KIF6: variants seen among roughly 807,000 people sequenced by gnomAD.
The protein encoded by KIF6 is kinesin family member 6, also known as kinesin-like protein KIF6.
A neutral mutation model predicts 112.7 loss-of-function variants in KIF6; 106 were observed. The observed-to-expected ratio is 0.94, with a 90% confidence interval of 0.80 to 1.11. KIF6 has a LOEUF of 1.11. KIF6 is among the 50% of genes least tolerant of loss of function. KIF6 has a pLI of 0.00. For missense variants in KIF6, 929 were observed against 964.0 expected, an observed-to-expected ratio of 0.96 and a Z score of 0.48; for synonymous variants, 339 against 339.9, an observed-to-expected ratio of 1.00 and a Z score of 0.03.
intron 13 of KIF6, among the ~76,000 whole-genome samples, chr6:39,454,583 G>A (rs560996880): frequency 6.6e-6 from 1 of 151,260 alleles, no homozygotes; most frequent in African/African-American, 2.4e-5. Flanking sequence ...GAAGACGGGT[G>A]ATTTCTGCAT....
chr6:39,552,671 G>A (rs756353561), intron 10 of KIF6, among the ~76,000 whole-genome samples: 1 of 152,016 alleles, frequency 6.6e-6, no homozygotes, highest in Non-Finnish European at 1.5e-5. Flanking sequence ...TTTTAACCAG[G>A]AAAGATGCAA....
chr6:39,558,144 A>G (rs1779822243), intron 10 of KIF6, among the ~76,000 whole-genome samples: 1 of 152,152 alleles, frequency 6.6e-6, no homozygotes, highest in South Asian at 2.1e-4. Flanking sequence ...TATAGGAGAG[A>G]GATATACCAT....
intron 7 of KIF6, among the ~76,000 whole-genome samples, chr6:39,588,935 A>G (rs1432542782): frequency 1.3e-5 from 2 of 152,146 alleles, no homozygotes; most frequent in African/African-American, 4.8e-5. Context: ...CCCTTCCACG[A>G]TCTGTTCTCC....
intron 13 of KIF6, among the ~76,000 whole-genome samples, chr6:39,498,652 T>C (rs1324899362): frequency 2.6e-5 from 4 of 152,194 alleles, no homozygotes; most frequent in Non-Finnish European, 5.9e-5. Flanking sequence ...AATAAAACTT[T>C]ATGTATAAAA....
At chr6:39,641,184 G>A (rs768398795) in intron 3 of KIF6, among the ~76,000 whole-genome samples, 3 of 152,088 alleles carry the variant, frequency 2.0e-5, no homozygotes, top group Admixed American at 2.0e-4. Flanking sequence ...CATAAATGCT[G>A]TAGGTAAATG....
intron 9 of KIF6, among the ~76,000 whole-genome samples, chr6:39,582,604 G>A (rs1443584978): frequency 2.6e-5 from 4 of 152,070 alleles, no homozygotes; most frequent in African/African-American, 9.6e-5. Flanking sequence ...TAGTAGAGAT[G>A]GGGTTTCTCC....
intron 10 of KIF6, among the ~76,000 whole-genome samples, chr6:39,577,511 A>G (rs1278422801): frequency 6.6e-6 from 1 of 152,260 alleles, no homozygotes; most frequent in Non-Finnish European, 1.5e-5. Flanking sequence ...CACCACTGAT[A>G]TGCCATATGG....
Position 39,684,069 on chromosome 6 carries a change from G to A in KIF6, c.251+30623C>T, listed in dbSNP as rs533698501. On this transcript the variant is annotated intron_variant, in intron 3 of 22. Transcript: ENST00000287152. ...AGTTATTGACTGGGAACACTCCAAG[G>A]AAGCCTGGATTGTGTTTCCACTGTG... Among the ~76,000 whole-genome samples the A allele has an allele frequency of 2.0e-5, 3 of 152,318 alleles. No homozygotes were observed. The South Asian group carries it at 6.2e-4, about 32-fold the overall frequency.
chr6:39,724,344 T>C (rs1426559211), intron 1 of KIF6, among the ~76,000 whole-genome samples: 1 of 150,906 alleles, frequency 6.6e-6, no homozygotes, highest in African/African-American at 2.4e-5. Flanking sequence ...TCCCAGCTAC[T>C]TGAGAGGTTG....
intron 3 of KIF6, among the ~76,000 whole-genome samples, chr6:39,670,051 C>T (rs1272732448): frequency 6.6e-6 from 1 of 152,150 alleles, no homozygotes; most frequent in Admixed American, 6.5e-5. Flanking sequence ...TGAGAAGGTC[C>T]TTACACCCGT....
At chr6:39,605,351 TA>T (rs1295111582) in intron 6 of KIF6, among the ~76,000 whole-genome samples, 4 of 152,244 alleles carry the variant, frequency 2.6e-5, no homozygotes, top group African/African-American at 9.6e-5. Context: ...AGCCTTCGCT[TA>T]AAAATTTCCA....
chr6:39,552,606 C>T (rs984163445), intron 10 of KIF6, among the ~76,000 whole-genome samples: 20 of 152,158 alleles, frequency 1.3e-4, no homozygotes, highest in African/African-American at 4.3e-4. Context: ...TTTCCACATG[C>T]CATAATCTCT....
At chr6:39,464,940 G>T (rs901732992) in intron 13 of KIF6, among the ~76,000 whole-genome samples, 1 of 152,192 alleles carries the variant, frequency 6.6e-6, no homozygotes, top group East Asian at 1.9e-4. Flanking sequence ...CTATACAAAA[G>T]AAATCTGGTT....
At chr6:39,430,147 GC>G (rs1288682420) in intron 14 of KIF6, among the ~76,000 whole-genome samples, 1 of 151,666 alleles carries the variant, frequency 6.6e-6, no homozygotes, top group Non-Finnish European at 1.5e-5. Context: ...CTCCTGGTTC[GC>G]CCCCTCTTCT....
chr6:39,503,849 GAAAAAAA>G (rs772144009), intron 13 of KIF6, among the ~76,000 whole-genome samples: 11 of 81,958 alleles, frequency 1.3e-4, no homozygotes, highest in East Asian at 7.5e-4. Context: ...CAACCAACCA[GAAAAAAA>G]AAAAAAAAGA....
At chr6:39,566,285 C>T (rs1039575079) in intron 10 of KIF6, among the ~76,000 whole-genome samples, 6 of 152,178 alleles carry the variant, frequency 3.9e-5, no homozygotes, top group Non-Finnish European at 8.8e-5. Context: ...TAAACACACA[C>T]ATTTGCAAAT....
intron 6 of KIF6, among the ~76,000 whole-genome samples, chr6:39,603,615 T>C (rs1457560365): frequency 1.3e-5 from 2 of 151,946 alleles, no homozygotes; most frequent in African/African-American, 4.8e-5. Flanking sequence ...CAAAAAAGAA[T>C]TTTTTTCTTT....
At chr6:39,558,197 C>A (rs1779824635) in intron 10 of KIF6, among the ~76,000 whole-genome samples, 1 of 152,038 alleles carries the variant, frequency 6.6e-6, no homozygotes, top group Non-Finnish European at 1.5e-5. Context: ...AGTGAAAACC[C>A]AAAGCTGTTC....
chr6:39,500,299 G>T (rs1203656902), intron 13 of KIF6, among the ~76,000 whole-genome samples: 2 of 152,186 alleles, frequency 1.3e-5, no homozygotes, highest in East Asian at 1.9e-4. Context: ...TAAACGGAAA[G>T]ACAGGTACAC....
Sources: allele counts gnomAD v4.1 joint callset (sites outside exome capture counted in the v4.1 genomes callset), GRCh38; gene constraint gnomAD v4.1.1; transcripts MANE v1.5; gene names NCBI Gene and HGNC (gene_info 2026-07-23, HGNC 2026-07-21).